Variants in HS1BP3 observed in about 807,000 individuals in gnomAD.
HS1BP3 encodes HCLS1 binding protein 3, also known as HCLS1-binding protein 3.
In HS1BP3, 32 loss-of-function variants were observed where a neutral mutation model predicts 33.5. That is an observed-to-expected ratio of 0.95 (90% confidence interval 0.72 to 1.28). HS1BP3 has a LOEUF of 1.28. HS1BP3 is among the 50% of genes most tolerant of loss of function. The pLI is 0.00. For synonymous variants in HS1BP3, 187 were observed against 209.2 expected, an observed-to-expected ratio of 0.89 and a Z score of 0.92; for missense variants, 486 against 502.3, an observed-to-expected ratio of 0.97 and a Z score of 0.31.
chr2:20,568,799 C>G (rs1204068291), intron 5 of HS1BP3, among the ~76,000 whole-genome samples: 2 of 152,178 alleles, frequency 1.3e-5, no homozygotes, highest in African/African-American at 2.4e-5. Flanking sequence ...GAGTTCCCAC[C>G]TGATGAGGGA....
intron 5 of HS1BP3, among the ~76,000 whole-genome samples, chr2:20,569,981 C>G (rs1471589840): frequency 6.6e-6 from 1 of 152,242 alleles, no homozygotes; most frequent in Non-Finnish European, 1.5e-5. Context: ...TGCCCCCAGC[C>G]CTGCCCAGGG....
intron 2 of HS1BP3, among the ~76,000 whole-genome samples, chr2:20,608,555 C>A (rs751210549): frequency 1.8e-3 from 183 of 103,800 alleles, no homozygotes; most frequent in Middle Eastern, 8.6e-3. Context: ...GCCCGGGCAA[C>A]AAGAGCGAAA....
chr2:20,645,630 C>T, intron 1 of HS1BP3, 125 bp from the exon 2 acceptor site: 1 of 927,270 alleles, frequency 1.1e-6, no homozygotes, highest in South Asian at 1.7e-5. Context: ...TGGCTGTCCT[C>T]AGTGGTCACT....
At chr2:20,565,620 G>T (rs574507929) in intron 5 of HS1BP3, among the ~76,000 whole-genome samples, 2 of 152,238 alleles carry the variant, frequency 1.3e-5, no homozygotes, top group Non-Finnish European at 1.5e-5. Flanking sequence ...ACCCCACCCC[G>T]TGGGACAGTC....
intron 5 of HS1BP3, among the ~76,000 whole-genome samples, chr2:20,562,008 AT>A (rs1693009335): frequency 6.6e-6 from 1 of 152,232 alleles, no homozygotes; most frequent in Non-Finnish European, 1.5e-5. Flanking sequence ...TAAAGCCTCC[AT>A]AAAAACCCCA....
downstream of HS1BP3, among the ~76,000 whole-genome samples, chr2:20,559,969 G>A (rs1423889197): frequency 6.6e-6 from 1 of 151,958 alleles, no homozygotes; most frequent in African/African-American, 2.4e-5. Flanking sequence ...GAAGCACCCT[G>A]AGTCTCTAAA....
chr2:20,565,306 T>C (rs1198148022), intron 5 of HS1BP3, among the ~76,000 whole-genome samples: 1 of 152,166 alleles, frequency 6.6e-6, no homozygotes, highest in Non-Finnish European at 1.5e-5. Flanking sequence ...GCCCACAGCC[T>C]GCTCTCACCC....
chr2:20,617,489 C>T (rs1236804930), downstream of HS1BP3, among the ~76,000 whole-genome samples: 1 of 152,198 alleles, frequency 6.6e-6, no homozygotes, highest in Non-Finnish European at 1.5e-5. Flanking sequence ...GGAAGCTGCT[C>T]AGGACAGGGC....
intron 4 of HS1BP3, among the ~76,000 whole-genome samples, chr2:20,630,627 C>G (rs746807810): frequency 9.9e-5 from 15 of 152,242 alleles, no homozygotes; most frequent in Non-Finnish European, 1.3e-4. Context: ...TTCTGAAATT[C>G]ACACCAGGAC....
At position 20,644,445 on chromosome 2, in the gene HS1BP3, T is replaced by C. The variant is rs1216667727; in HGVS notation, c.198+895A>G. Among the ~76,000 whole-genome samples the C allele has an allele frequency of 2.0e-5, 3 of 152,204 alleles. No individual in the cohort carries two copies. The East Asian group carries it at 5.8e-4, about 29-fold the overall frequency. ...CAAGTTGATGACTCCCAAGCCTACATCTCAGGCCTGAGCTCGTCCCGAGCT... is the reference window on the plus strand; with the variant it reads ...CAAGTTGATGACTCCCAAGCCTACACCTCAGGCCTGAGCTCGTCCCGAGCT... On this transcript the variant is annotated intron_variant, in intron 2 of 6. Transcript: ENST00000304031.
intron 4 of HS1BP3, among the ~76,000 whole-genome samples, chr2:20,629,018 T>C (rs1229890651): frequency 1.3e-5 from 2 of 152,036 alleles, no homozygotes; most frequent in Non-Finnish European, 2.9e-5. Context: ...AGAGCAGCGG[T>C]GGTGCGAGGG....
intron 2 of HS1BP3, among the ~76,000 whole-genome samples, chr2:20,608,537 G>A (rs60694842): frequency 0.064 from 8,641 of 134,484 alleles, 286 homozygotes; most frequent in Middle Eastern, 0.12. Context: ...TTGCACCATT[G>A]CACCCCAGCC....
At chr2:20,615,454 A>G (rs1694404600), downstream of HS1BP3, among the ~76,000 whole-genome samples, 1 of 152,160 alleles carries the variant, frequency 6.6e-6, no homozygotes. Context: ...AATGGTTTGG[A>G]GCGATCAGAG....
intron 5 of HS1BP3, among the ~76,000 whole-genome samples, chr2:20,578,134 C>A (rs889001961): frequency 2.0e-5 from 3 of 152,160 alleles, no homozygotes; most frequent in Non-Finnish European, 4.4e-5. Context: ...GCAAGGGGTG[C>A]AGGAAGCAGG....
At chr2:20,613,563 C>A (rs1558334536), downstream of HS1BP3, among the ~76,000 whole-genome samples, 1 of 152,198 alleles carries the variant, frequency 6.6e-6, no homozygotes, top group Admixed American at 6.5e-5. Context: ...CACCAGCTCT[C>A]CAGTTTGTGC....
intron 1 of HS1BP3, among the ~76,000 whole-genome samples, chr2:20,648,947 C>T (rs561558045): frequency 3.3e-5 from 5 of 152,328 alleles, no homozygotes; most frequent in African/African-American, 1.2e-4. Context: ...CATCAGCAAA[C>T]CTGAAAGCTC....
intron 5 of HS1BP3, among the ~76,000 whole-genome samples, chr2:20,578,371 A>G (rs1426062234): frequency 6.6e-6 from 1 of 152,192 alleles, no homozygotes; most frequent in African/African-American, 2.4e-5. Context: ...GCTCTACCCT[A>G]GCATGTCTCT....
At chr2:20,596,946 G>A (rs1245385431) in intron 3 of HS1BP3, among the ~76,000 whole-genome samples, 1 of 152,170 alleles carries the variant, frequency 6.6e-6, no homozygotes, top group Non-Finnish European at 1.5e-5. Context: ...GACTCTGTGG[G>A]TAGGATTTGG....
intron 2 of HS1BP3, among the ~76,000 whole-genome samples, chr2:20,603,149 A>G (rs1278318176): frequency 6.6e-6 from 1 of 152,240 alleles, no homozygotes; most frequent in Non-Finnish European, 1.5e-5. Context: ...TGGCACAATT[A>G]CTTTAGAAAA....
Sources: gnomAD v4.1 joint callset for allele counts (sites outside exome capture counted in the v4.1 genomes callset) on GRCh38, gnomAD v4.1.1 for gene constraint, MANE v1.5 for transcripts, NCBI Gene and HGNC (gene_info 2026-07-23, HGNC 2026-07-21) for gene names.